The following ADK variants were observed in gnomAD, a reference collection of about 807,000 sequenced individuals.
ADK encodes the protein N6,N6-dimethyladenosine kinase.
In ADK, 24 loss-of-function variants were observed where a neutral mutation model predicts 44.7. That is an observed-to-expected ratio of 0.54 (90% CI 0.39 to 0.76). ADK has a LOEUF of 0.76. Among genes scored for constraint, ADK ranks in the 30% least tolerant of loss-of-function variants. The probability of loss-of-function intolerance (pLI) is 0.00; values close to 1 mark genes in which losing one functional copy is unlikely to be tolerated. For missense variants in ADK, 321 were observed against 425.1 expected (o/e 0.76, Z 2.15); for synonymous variants, 128 against 142.6 (o/e 0.90, Z 0.73).
intron 1 of ADK, among the ~76,000 whole-genome samples, chr10:74,182,468 A>G (rs944480587): frequency 6.6e-6 from 1 of 152,060 alleles, no homozygotes; most frequent in Non-Finnish European, 1.5e-5. Context: ...TCCCGGGTTC[A>G]AGCAATTATC....
chr10:74,488,629 G>A (rs868645207), intron 6 of ADK, among the ~76,000 whole-genome samples: 23 of 41,658 alleles, frequency 5.5e-4, no homozygotes, highest in African/African-American at 2.2e-3. Flanking sequence ...TAGATAGCAG[G>A]ATTAAAGAAA....
chr10:74,303,681 T>C (rs1021942172), intron 3 of ADK, among the ~76,000 whole-genome samples: 2 of 141,694 alleles, frequency 1.4e-5, no homozygotes, highest in Non-Finnish European at 3.0e-5. Context: ...GCTTTTAAAA[T>C]ATCAAGCTGG....
chr10:74,581,766 G>A (rs1266144834), intron 7 of ADK, among the ~76,000 whole-genome samples: 2 of 152,150 alleles, frequency 1.3e-5, no homozygotes, highest in Admixed American at 1.3e-4. Flanking sequence ...AACAATGCAA[G>A]CTAGACCTTG....
intron 3 of ADK, among the ~76,000 whole-genome samples, chr10:74,242,702 T>A (rs570495400): frequency 6.6e-6 from 1 of 152,310 alleles, no homozygotes; most frequent in East Asian, 1.9e-4. Context: ...TTCTGAATAA[T>A]GTCTTTTTAC....
intron 6 of ADK, among the ~76,000 whole-genome samples, chr10:74,479,642 A>AT (rs1447529136): frequency 6.6e-6 from 1 of 151,516 alleles, no homozygotes; most frequent in Non-Finnish European, 1.5e-5. Flanking sequence ...CTGTTTTTAA[A>AT]TTTTTTATTC....
At chr10:74,355,912 G>A (rs977460190) in intron 4 of ADK, among the ~76,000 whole-genome samples, 1 of 150,566 alleles carries the variant, frequency 6.6e-6, no homozygotes, top group Non-Finnish European at 1.5e-5. Context: ...ATCAATCCAC[G>A]GTAAGAAACA....
intron 6 of ADK, among the ~76,000 whole-genome samples, chr10:74,522,545 T>C (rs576668225): frequency 1.3e-5 from 2 of 152,222 alleles, no homozygotes; most frequent in African/African-American, 4.8e-5. Context: ...CCTTAAAAGA[T>C]GGACCCCAAT....
chr10:74,154,281 A>G (rs951255585), intron 1 of ADK, among the ~76,000 whole-genome samples: 5 of 151,888 alleles, frequency 3.3e-5, no homozygotes, highest in African/African-American at 9.7e-5. Flanking sequence ...TTTTGTATAT[A>G]TTTTTGAGTT....
At chr10:74,359,336 T>C (rs1168928648) in intron 4 of ADK, among the ~76,000 whole-genome samples, 5 of 152,152 alleles carry the variant, frequency 3.3e-5, no homozygotes, top group African/African-American at 9.7e-5. Flanking sequence ...AGGATTTGTT[T>C]TTTCTATTTC....
chr10:74,527,750 C>G (rs1382208672), intron 7 of ADK: 1 of 1,560,850 alleles, frequency 6.4e-7, no homozygotes, highest in Non-Finnish European at 8.8e-7. Flanking sequence ...GTTGTTTCCT[C>G]CACTCCCAGA....
At chr10:74,480,505 C>G (rs1313095333) in intron 6 of ADK, among the ~76,000 whole-genome samples, 1 of 152,006 alleles carries the variant, frequency 6.6e-6, no homozygotes, top group Non-Finnish European at 1.5e-5. Context: ...TCTCAAACTC[C>G]AAGCCTCAAA....
chr10:74,619,848 G>A (rs1236573598), intron 9 of ADK, among the ~76,000 whole-genome samples: 1 of 152,106 alleles, frequency 6.6e-6, no homozygotes, highest in Non-Finnish European at 1.5e-5. Flanking sequence ...GGCCTCCTGA[G>A]TAGCTGGGAC....
At chr10:74,371,564 GA>G in intron 4 of ADK, 2 of 1,192,860 alleles carry the variant, frequency 1.7e-6, no homozygotes, top group Non-Finnish European at 2.5e-6. Flanking sequence ...TCCTGCAAAT[GA>G]AGGAGGAGGA....
At chr10:74,339,152 G>C (rs543540276) in intron 4 of ADK, among the ~76,000 whole-genome samples, 2 of 151,776 alleles carry the variant, frequency 1.3e-5, no homozygotes, top group Admixed American at 1.3e-4. Flanking sequence ...TAGAGATGGG[G>C]GTCTCACCAT....
At chr10:74,361,369 G>GTACAT (rs1406083804) in intron 4 of ADK, among the ~76,000 whole-genome samples, 6 of 151,950 alleles carry the variant, frequency 3.9e-5, no homozygotes. Flanking sequence ...TCTCTTAAGA[G>GTACAT]TACATTTTAA....
At chr10:74,505,488 G>A (rs1000536186) in intron 6 of ADK, among the ~76,000 whole-genome samples, 6 of 147,236 alleles carry the variant, frequency 4.1e-5, no homozygotes, top group African/African-American at 7.6e-5. Context: ...TCCAAGATCC[G>A]TATCTTGAAA....
chr10:74,696,996 G>C (rs1267823827), intron 10 of ADK, among the ~76,000 whole-genome samples: 1 of 151,968 alleles, frequency 6.6e-6, no homozygotes, highest in Non-Finnish European at 1.5e-5. Flanking sequence ...ATTTTTCCAG[G>C]TGAACAATGT....
chr10:74,284,706 T>C (rs759666613), intron 3 of ADK, among the ~76,000 whole-genome samples: 1 of 152,248 alleles, frequency 6.6e-6, no homozygotes, highest in African/African-American at 2.4e-5. Context: ...AAACTCCCTT[T>C]AGTAGTAATT....
In ADK at chr10:74,616,821, A is replaced by G. The variant is rs1368317758; in HGVS notation, c.877+16328A>G. 3.3e-5 allele frequency among the ~76,000 whole-genome samples: 5 copies of G among 152,116 alleles called. No homozygotes were observed. In the East Asian group the frequency reaches 9.6e-4, roughly 29 times the overall value. ...CTGCAAGTCAATTTGGAGAAAACTT[A>G]TTTCTTTACAGTATTTTGTCTTCCA... On this transcript the variant is annotated intron_variant, in intron 9 of 10. Coordinates refer to ENST00000539909, the MANE Select transcript of ADK (RefSeq NM_006721.4).
Sources: gnomAD v4.1 joint callset for allele counts (sites outside exome capture counted in the v4.1 genomes callset) on GRCh38, gnomAD v4.1.1 for gene constraint, MANE v1.5 for transcripts, NCBI Gene and HGNC (gene_info 2026-07-23, HGNC 2026-07-21) for gene names.